Variants in SH3GLB2 observed in about 807,000 individuals in gnomAD.
SH3GLB2 encodes SH3 domain containing GRB2 like, endophilin B2.
SH3GLB2 carries 24 observed loss-of-function variants against 48.0 expected under a neutral mutation model. The observed-to-expected ratio is 0.50, with a 90% CI of 0.36 to 0.70. SH3GLB2 has a LOEUF of 0.70. Ranked by LOEUF, SH3GLB2 falls within the 30% of genes least tolerant of loss-of-function variation. The pLI, the probability that SH3GLB2 is intolerant of heterozygous loss-of-function variation, is 0.00. For synonymous variants in SH3GLB2, 227 were observed against 207.6 expected, an observed-to-expected ratio of 1.09 and a Z score of -0.80; for missense variants, 425 against 516.0, an observed-to-expected ratio of 0.82 and a Z score of 1.71.
In SH3GLB2 at chr9:129,018,878, T is replaced by C. The variant is rs867989401; in HGVS notation, c.334+2213A>G. On this transcript the variant is annotated intron_variant, in intron 3 of 10. Transcript: ENST00000372564. ...CTGCACTCCAGCCTGGGTGACAGAG[T>C]GAGACTCCATCTCAAAAAAAAAAAA... 9.4e-5 allele frequency among the ~76,000 whole-genome samples: 13 copies of C among 138,544 alleles called. No individual in the cohort carries two copies. The South Asian group carries it at 2.7e-3, about 29-fold the overall frequency. 90.9% of individuals were successfully genotyped at this position (138,544 alleles called of 152,430 possible).
chr9:129,021,377 T>G (rs1030573159), intron 2 of SH3GLB2, among the ~76,000 whole-genome samples, 158 bp from the exon 3 acceptor site: 38 of 152,200 alleles, frequency 2.5e-4, no homozygotes, highest in African/African-American at 8.2e-4. Context: ...CTGTTGTGAT[T>G]GACCCAGCAC....
At chr9:129,013,984 A>G (rs1294589209) in intron 5 of SH3GLB2, 2 of 462,244 alleles carry the variant, frequency 4.3e-6, no homozygotes, top group East Asian at 6.8e-5. Flanking sequence ...TCCAGCTCCC[A>G]GGTTTTCCAC....
chr9:129,008,931 G>A (rs759215388), intron 10 of SH3GLB2, 140 bp from the exon 11 acceptor site: 3 of 1,302,744 alleles, frequency 2.3e-6, no homozygotes, highest in Non-Finnish European at 3.2e-6. Context: ...CATCTCACTT[G>A]CTCCAGAGAC....
intron 1 of SH3GLB2, among the ~76,000 whole-genome samples, chr9:129,026,630 C>G (rs564899024): frequency 6.6e-6 from 1 of 152,214 alleles, no homozygotes; most frequent in African/African-American, 2.4e-5. Context: ...CCAAGCGGAG[C>G]CACACCTAGG....
At chr9:129,012,600 T>A (rs1843189987) in intron 5 of SH3GLB2, 1 of 423,230 alleles carries the variant, frequency 2.4e-6, no homozygotes. Context: ...GGCTCTCCCC[T>A]GCCAGGGGCC....
At chr9:129,016,342 TAAAAAAAAAA>T (rs57505648) in intron 3 of SH3GLB2, among the ~76,000 whole-genome samples, 1,065 of 34,080 alleles carry the variant, frequency 0.031, 25 homozygotes, top group African/African-American at 0.11. Context: ...AGACTGTCTT[TAAAAAAAAAA>T]AAAAAAAAAA....
At chr9:129,020,331 G>A (rs1472525893) in intron 3 of SH3GLB2, among the ~76,000 whole-genome samples, 2 of 151,736 alleles carry the variant, frequency 1.3e-5, no homozygotes, top group African/African-American at 4.8e-5. Context: ...CACTTTGGGA[G>A]GCTGAGGCAG....
At chr9:129,022,476 TGGG>T in intron 1 of SH3GLB2, 53 bp from the exon 2 acceptor site, 10 of 787,928 alleles carry the variant, frequency 1.3e-5, no homozygotes, top group Non-Finnish European at 1.8e-5. Context: ...CAGAAGGAGG[TGGG>T]GGAGTGGTGG....
chr9:129,013,160 G>T, intron 5 of SH3GLB2: 2 of 869,312 alleles, frequency 2.3e-6, no homozygotes, highest in East Asian at 2.6e-5. Context: ...ACCACAGCCT[G>T]CCCTCCTGAA....
chr9:129,017,735 GA>G lies in SH3GLB2; in HGVS notation c.335-2832del, dbSNP rs137926854. 9.6e-4 allele frequency among the ~76,000 whole-genome samples: 136 copies of G among 142,084 alleles called. 1 individual carries two copies. The highest frequency in any genetic ancestry group is 1.2e-3 in the East Asian group (6 of 4,932). The allele number at this position is 142,084 out of a possible 152,430, so 93.2% of individuals were successfully genotyped here. A position where few individuals can be genotyped will look rare whatever the true frequency, so the allele number is the denominator to read the frequency against. ...AACACGGTGAAATCCCGTCTCCACT[GA>G]AAAAAAAAAAAATTAGCCTGGCATG... On this transcript the variant is annotated intron_variant, in intron 3 of 10. Transcript: ENST00000372564.
intron 1 of SH3GLB2, among the ~76,000 whole-genome samples, chr9:129,024,904 A>T (rs1211296465): frequency 6.7e-6 from 1 of 149,248 alleles, no homozygotes; most frequent in African/African-American, 2.5e-5. Flanking sequence ...TGGGAGGTGG[A>T]GCTTGCAGTG....
chr9:129,027,393 T>A (rs1268368696), intron 1 of SH3GLB2, among the ~76,000 whole-genome samples: 3 of 152,194 alleles, frequency 2.0e-5, no homozygotes, highest in African/African-American at 7.2e-5. Flanking sequence ...GAGGGCACAT[T>A]CCCACCCACA....
rs772481716 is a variant in SH3GLB2, at chr9:129,022,455, G to C, written c.64-32C>G. 1.0e-5 allele frequency: 16 copies of C among 1,600,038 alleles called. No individual in the cohort carries two copies. In the Admixed American group the frequency reaches 2.2e-4, roughly 22 times the overall value. On this transcript the variant is annotated intron_variant, in intron 1 of 10. Coordinates refer to ENST00000372564, the MANE Select transcript of SH3GLB2 (RefSeq NM_020145.4). ...AGAGGGGAAGGCCAAGGGGTGGGGA[G>C]GGGGAGAGCTCAGAAGGAGGTGGGG...
At chr9:129,009,504 G>A (rs2131223160) in intron 9 of SH3GLB2, 158 bp from the exon 10 acceptor site, 2 of 1,548,510 alleles carry the variant, frequency 1.3e-6, no homozygotes, top group Non-Finnish European at 8.7e-7. Context: ...CAAGGGAAGG[G>A]TGAGATGGCC....
rs774552074 is a variant in SH3GLB2 at position 129,008,723 on chromosome 9, C to T, written c.1149G>A (p.Lys383=). 8 of 1,614,168 alleles carry T rather than the reference C, an allele frequency of 5.0e-6. No homozygotes were observed. The South Asian group carries it at 6.6e-5, about 13-fold the overall frequency. Residue 383 remains lysine, a synonymous_variant, in exon 11 of 11, where the codon AAG becomes AAA. Transcript: ENST00000372564. ...DWLIGERGNK[K]GKVPVTYLEL... ...CCAAGTAGGTGACAGGGACCTTGCCCTTCTTGTTGCCTCTCTCGCCAATGA... is the reference window on the plus strand; with the variant it reads ...CCAAGTAGGTGACAGGGACCTTGCCTTTCTTGTTGCCTCTCTCGCCAATGA...
At chr9:129,009,738 G>C in intron 9 of SH3GLB2, 33 bp downstream of exon 9, 3 of 1,585,638 alleles carry the variant, frequency 1.9e-6, no homozygotes, top group Non-Finnish European at 1.7e-6. Flanking sequence ...GAGCCAGGGG[G>C]CCCCAGTGGG....
In SH3GLB2 at chr9:129,008,312, G is replaced by A. The variant is rs976508357; in HGVS notation, c.*372C>T. 4 of 234,966 alleles carry A rather than the reference G, an allele frequency of 1.7e-5. No homozygotes were observed. In the East Asian group the frequency reaches 4.6e-4, roughly 27 times the overall value. The allele number at this position is 234,966 out of a possible 1,614,324, so 14.6% of individuals were successfully genotyped here. On this transcript the variant is annotated 3_prime_UTR_variant, in exon 11 of 11. Coordinates refer to ENST00000372564, the MANE Select transcript of SH3GLB2 (RefSeq NM_020145.4). Reference sequence around the variant, plus strand: ...TCCCCTGATGCAGCTTTTGGCAACTGAAAGGCAGGGCTCTCGCTGAGTGCA... The same window carrying A: ...TCCCCTGATGCAGCTTTTGGCAACTAAAAGGCAGGGCTCTCGCTGAGTGCA...
chr9:129,026,049 T>C (rs1329984771), intron 1 of SH3GLB2, among the ~76,000 whole-genome samples: 2 of 152,110 alleles, frequency 1.3e-5, no homozygotes, highest in Non-Finnish European at 2.9e-5. Flanking sequence ...TCGGTGCCCT[T>C]ATCTGGGCTG....
rs991102345 is a variant in SH3GLB2 at position 129,009,874 on chromosome 9, G to T, written c.739-3C>A. 1 of 1,612,850 alleles carries T rather than the reference G, an allele frequency of 6.2e-7. No homozygotes were observed. ...TGGAGGCAGCGCAGGTGGTTCACCT[G>T]CGGGGAAGAGGCCAGAGGCTGACTT... On this transcript the variant is annotated splice_polypyrimidine_tract_variant and splice_region_variant and intron_variant, in intron 8 of 10. Transcript: ENST00000372564.
Sources: gnomAD v4.1 joint callset for allele counts (sites outside exome capture counted in the v4.1 genomes callset) on GRCh38, gnomAD v4.1.1 for gene constraint, MANE v1.5 for transcripts, NCBI Gene and HGNC (gene_info 2026-07-23, HGNC 2026-07-21) for gene names.